PSEN1: variants seen among roughly 807,000 people sequenced by gnomAD.
PSEN1 encodes the protein presenilin 1.
A neutral mutation model predicts 53.5 loss-of-function variants in PSEN1; 15 were observed. The observed-to-expected ratio is 0.28, with a 90% CI of 0.19 to 0.43. The LOEUF is 0.43. Among genes scored for constraint, PSEN1 ranks in the 20% least tolerant of loss-of-function variants. PSEN1 has a pLI of 1.00. For synonymous variants in PSEN1, 208 were observed against 209.8 expected, an observed-to-expected ratio of 0.99 and a Z score of 0.08; for missense variants, 387 against 571.2, an observed-to-expected ratio of 0.68 and a Z score of 3.29.
chr14:73,208,341 G>T (rs895869912), intron 9 of PSEN1, among the ~76,000 whole-genome samples: 4 of 152,224 alleles, frequency 2.6e-5, no homozygotes, highest in Non-Finnish European at 5.9e-5. Context: ...AAGATGAAAA[G>T]GTGCTTTATT....
chr14:73,150,360 G>A (rs1311358658), intron 3 of PSEN1, among the ~76,000 whole-genome samples: 1 of 152,142 alleles, frequency 6.6e-6, no homozygotes, highest in African/African-American at 2.4e-5. Flanking sequence ...TCTCAGGATA[G>A]TTACTGTCCT....
At chr14:73,162,322 A>G (rs1897571718) in intron 3 of PSEN1, among the ~76,000 whole-genome samples, 1 of 152,086 alleles carries the variant, frequency 6.6e-6, no homozygotes, top group Non-Finnish European at 1.5e-5. Context: ...GCACTTGCTA[A>G]CATAAGGTGT....
At chr14:73,178,251 G>T (rs1263131689) in intron 5 of PSEN1, among the ~76,000 whole-genome samples, 1 of 130,528 alleles carries the variant, frequency 7.7e-6, no homozygotes, top group African/African-American at 3.1e-5. Context: ...ACCGAGTCTC[G>T]CTTTGTCACC....
intron 3 of PSEN1, among the ~76,000 whole-genome samples, chr14:73,164,747 A>G (rs1897655744): frequency 6.6e-6 from 1 of 152,230 alleles, no homozygotes; most frequent in Admixed American, 6.5e-5. Flanking sequence ...AGAGACTTTT[A>G]AATTCCAAAT....
At chr14:73,215,889 C>T (rs954391894) in intron 10 of PSEN1, among the ~76,000 whole-genome samples, 11 of 152,144 alleles carry the variant, frequency 7.2e-5, no homozygotes, top group Non-Finnish European at 1.5e-4. Flanking sequence ...TGTGATTTGG[C>T]AGTTTATTAA....
chr14:73,186,284 C>T (rs1042836995), intron 5 of PSEN1, among the ~76,000 whole-genome samples: 1 of 152,004 alleles, frequency 6.6e-6, no homozygotes, highest in Non-Finnish European at 1.5e-5. Context: ...GGGGCTGAGG[C>T]AGGAGAATTG....
chr14:73,184,638 C>G (rs1327848106), intron 5 of PSEN1, among the ~76,000 whole-genome samples: 1 of 130,736 alleles, frequency 7.6e-6, no homozygotes, highest in Non-Finnish European at 1.6e-5. Context: ...GCTGGCCGGG[C>G]GGGGGGCTGA....
intron 4 of PSEN1, among the ~76,000 whole-genome samples, chr14:73,172,641 T>G (rs1897926376): frequency 6.6e-6 from 1 of 152,244 alleles, no homozygotes; most frequent in Non-Finnish European, 1.5e-5. Flanking sequence ...ATATGACCCA[T>G]AGAGCTTAAA....
At chr14:73,218,888 C>T (rs1324672535) in intron 11 of PSEN1, among the ~76,000 whole-genome samples, 1 of 152,136 alleles carries the variant, frequency 6.6e-6, no homozygotes, top group East Asian at 1.9e-4. Flanking sequence ...TTTTCAGATT[C>T]TATTTCTTTA....
intron 3 of PSEN1, among the ~76,000 whole-genome samples, chr14:73,148,498 G>GTGT (rs1308740691): frequency 1.3e-5 from 2 of 152,184 alleles, no homozygotes; most frequent in African/African-American, 4.8e-5. Flanking sequence ...TACAATGCAA[G>GTGT]GATAAGTGTA....
At chr14:73,191,299 A>G (rs2085492420) in intron 6 of PSEN1, among the ~76,000 whole-genome samples, 1 of 152,154 alleles carries the variant, frequency 6.6e-6, no homozygotes, top group Non-Finnish European at 1.5e-5. Context: ...GGGATCATAA[A>G]TGGGATCCTA....
At chr14:73,202,561 C>T (rs1899272038) in intron 8 of PSEN1, among the ~76,000 whole-genome samples, 1 of 142,902 alleles carries the variant, frequency 7.0e-6, no homozygotes, top group Non-Finnish European at 1.5e-5. Context: ...CAAGCTCCAC[C>T]TCCCGGGTTC....
At chr14:73,216,272 A>AG (rs1899908924) in intron 10 of PSEN1, among the ~76,000 whole-genome samples, 1 of 152,230 alleles carries the variant, frequency 6.6e-6, no homozygotes, top group Admixed American at 6.5e-5. Context: ...CTTAAGGCCT[A>AG]GGGTAGGAGT....
At chr14:73,192,366 C>T (rs75894497) in intron 6 of PSEN1, among the ~76,000 whole-genome samples, 230 of 152,046 alleles carry the variant, frequency 1.5e-3, no homozygotes, top group African/African-American at 5.1e-3. Flanking sequence ...ACCTGATCTC[C>T]GGAGGTAAAG....
At chr14:73,214,510 A>C (rs1236483240) in intron 10 of PSEN1, among the ~76,000 whole-genome samples, 1 of 150,678 alleles carries the variant, frequency 6.6e-6, no homozygotes, top group African/African-American at 2.5e-5. Context: ...AGCCTGGGCA[A>C]CAAGAGCGAA....
At chr14:73,167,888 A>T (rs1161896525) in intron 3 of PSEN1, 2 of 101,866 alleles carry the variant, frequency 2.0e-5, no homozygotes, top group African/African-American at 3.9e-5. Context: ...GTTCTCAGTT[A>T]TTTTCCAGCA....
Position 73,219,169 on chromosome 14 carries a change from C to T in PSEN1, c.1284C>T (p.Phe428=). 1 of 1,614,048 alleles carries T rather than the reference C, an allele frequency of 6.2e-7. No individual in the cohort carries two copies. Among genetic ancestry groups the T allele is most frequent in the African/African-American group, 1.3e-5 (1 of 75,058 alleles). Residue 428 remains phenylalanine, a synonymous_variant, in exon 12 of 12, where the codon TTC becomes TTT. Coordinates refer to ENST00000324501, the MANE Select transcript of PSEN1 (RefSeq NM_000021.4). The part of the protein sequence containing the change: ...LCLTLLLLAI[F]KKALPALPIS... ...TTACATTATTACTCCTTGCCATTTT[C>T]AAGAAAGCATTGCCAGCTCTTCCAA...
At chr14:73,202,713 C>T (rs1467438564) in intron 8 of PSEN1, among the ~76,000 whole-genome samples, 1 of 151,450 alleles carries the variant, frequency 6.6e-6, no homozygotes, top group African/African-American at 2.4e-5. Context: ...ACCTCGTAAT[C>T]TGCCCTCCTC....
At position 73,148,006 on chromosome 14, in the gene PSEN1, A is replaced by G. The variant is rs1184335598; in HGVS notation, c.-14A>G. ...TTGTTTTCTGTGAAACAGTATTTCT[A>G]TACAGTTGCTCCAATGACAGAGTTA... On this transcript the variant is annotated 5_prime_UTR_variant, in exon 3 of 12. Coordinates refer to ENST00000324501, the MANE Select transcript of PSEN1 (RefSeq NM_000021.4). 2.5e-6 allele frequency: 4 copies of G among 1,603,452 alleles called. No individual in the cohort carries two copies. Among genetic ancestry groups the G allele is most frequent in the East Asian group, 2.2e-5 (1 of 44,826 alleles).
Sources: allele counts gnomAD v4.1 joint callset (sites outside exome capture counted in the v4.1 genomes callset), GRCh38; gene constraint gnomAD v4.1.1; transcripts MANE v1.5; gene names NCBI Gene and HGNC (gene_info 2026-07-23, HGNC 2026-07-21).